NSMCE2: variants seen among roughly 807,000 people sequenced by gnomAD.
NSMCE2 encodes E3 SUMO-protein ligase NSE2.
In NSMCE2, 24 loss-of-function variants were observed where a neutral mutation model predicts 23.8. The ratio of observed to expected loss-of-function variants is 1.01; its 90% CI spans 0.73 to 1.42. The LOEUF (loss-of-function observed/expected upper bound fraction) is 1.42. NSMCE2 is among the 40% of genes most tolerant of loss of function. The pLI is 0.00. For synonymous variants in NSMCE2, 92 were observed against 94.1 expected (o/e 0.98, Z 0.13); for missense variants, 284 against 296.5 (o/e 0.96, Z 0.31).
intron 4 of NSMCE2, among the ~76,000 whole-genome samples, chr8:125,170,643 G>C (rs1822152304): frequency 1.3e-5 from 2 of 151,854 alleles, no homozygotes; most frequent in African/African-American, 4.8e-5. Flanking sequence ...CCTGACCTCA[G>C]GTGATCCACC....
intron 5 of NSMCE2, among the ~76,000 whole-genome samples, chr8:125,290,868 T>C (rs1416383256): frequency 6.6e-6 from 1 of 152,218 alleles, no homozygotes; most frequent in Non-Finnish European, 1.5e-5. Flanking sequence ...ATAAATTATT[T>C]ATAGATTTAT....
intron 5 of NSMCE2, among the ~76,000 whole-genome samples, chr8:125,210,695 TC>T (rs555692143): frequency 6.2e-4 from 94 of 152,104 alleles, no homozygotes; most frequent in Non-Finnish European, 1.1e-3. Flanking sequence ...AGCCATCTCT[TC>T]CCCAGGTTGA....
At chr8:125,275,834 G>T (rs1032387701) in intron 5 of NSMCE2, among the ~76,000 whole-genome samples, 2 of 152,074 alleles carry the variant, frequency 1.3e-5, no homozygotes, top group African/African-American at 4.8e-5. Flanking sequence ...GCTAGTAATT[G>T]TAAGAGCTGG....
chr8:125,144,264 A>C (rs1017216227), intron 3 of NSMCE2, among the ~76,000 whole-genome samples: 1 of 152,160 alleles, frequency 6.6e-6, no homozygotes, highest in Non-Finnish European at 1.5e-5. Flanking sequence ...GAAGGTCCCT[A>C]TTTAGAATAG....
At chr8:125,357,531 G>A (rs529653165) in intron 6 of NSMCE2, among the ~76,000 whole-genome samples, 181 bp from the exon 7 acceptor site, 1 of 152,320 alleles carries the variant, frequency 6.6e-6, no homozygotes, top group East Asian at 1.9e-4. Context: ...TAAAGTCATG[G>A]CCTACAGGCC....
intron 5 of NSMCE2, among the ~76,000 whole-genome samples, chr8:125,270,320 C>T (rs942073797): frequency 1.1e-4 from 16 of 152,124 alleles, no homozygotes; most frequent in African/African-American, 3.4e-4. Context: ...CAAAACTTAG[C>T]GGGGCATGGT....
chr8:125,213,819 G>C (rs891695938), intron 5 of NSMCE2, among the ~76,000 whole-genome samples: 1 of 151,140 alleles, frequency 6.6e-6, no homozygotes, highest in Non-Finnish European at 1.5e-5. Flanking sequence ...CTCACACAGT[G>C]TTGGGATTTG....
chr8:125,182,290 T>C, intron 5 of NSMCE2, 34 bp downstream of exon 5: 1 of 1,553,094 alleles, frequency 6.4e-7, no homozygotes, highest in Non-Finnish European at 8.8e-7. Context: ...GTTCGGCTTT[T>C]TGAAATTAGG....
At chr8:125,309,086 A>T (rs1828871922) in intron 5 of NSMCE2, among the ~76,000 whole-genome samples, 1 of 152,084 alleles carries the variant, frequency 6.6e-6, no homozygotes, top group African/African-American at 2.4e-5. Context: ...CTCTACTAAA[A>T]ATACAAAAAA....
chr8:125,220,457 T>C (rs1824798733), intron 5 of NSMCE2, among the ~76,000 whole-genome samples: 1 of 152,184 alleles, frequency 6.6e-6, no homozygotes, highest in South Asian at 2.1e-4. Context: ...AAAATGAGCC[T>C]AACCTAATTC....
chr8:125,213,780 A>T (rs1444314850), intron 5 of NSMCE2, among the ~76,000 whole-genome samples: 1 of 130,364 alleles, frequency 7.7e-6, no homozygotes, highest in African/African-American at 3.1e-5. Context: ...TCGCCAGGCT[A>T]CCCATTCTGA....
chr8:125,318,701 A>G (rs2131260254), intron 5 of NSMCE2, among the ~76,000 whole-genome samples: 1 of 152,350 alleles, frequency 6.6e-6, no homozygotes, highest in African/African-American at 2.4e-5. Flanking sequence ...TCTGTGAAAC[A>G]ACCACGGCAC....
chr8:125,124,286 C>T (rs1424980648), intron 3 of NSMCE2: 2 of 152,070 alleles, frequency 1.3e-5, no homozygotes, highest in African/African-American at 4.8e-5. Context: ...TATTCATAAA[C>T]ATTTTATTCT....
intron 5 of NSMCE2, among the ~76,000 whole-genome samples, chr8:125,309,245 T>C (rs1828882144): frequency 8.3e-6 from 1 of 120,954 alleles, no homozygotes. Context: ...CAAAACTCTG[T>C]CTCAAAAAAA....
At chr8:125,147,926 C>T (rs981648282) in intron 3 of NSMCE2, among the ~76,000 whole-genome samples, 1 of 152,200 alleles carries the variant, frequency 6.6e-6, no homozygotes, top group African/African-American at 2.4e-5. Context: ...CATGACCTGT[C>T]TTTAAGATGC....
intron 5 of NSMCE2, among the ~76,000 whole-genome samples, chr8:125,263,756 A>C (rs1826797228): frequency 6.7e-6 from 1 of 150,094 alleles, no homozygotes; most frequent in South Asian, 2.1e-4. Flanking sequence ...TCTCAAAAAA[A>C]AACAAAAAAA....
intron 5 of NSMCE2, among the ~76,000 whole-genome samples, chr8:125,193,323 A>G (rs973546626): frequency 5.3e-5 from 8 of 152,250 alleles, no homozygotes; most frequent in African/African-American, 1.9e-4. Flanking sequence ...CTTACAAAGA[A>G]TATAGTATAT....
intron 5 of NSMCE2, among the ~76,000 whole-genome samples, chr8:125,320,308 G>GGGAAGGAAGGAAGGAAGGAA (rs1829401154): frequency 8.8e-6 from 1 of 114,072 alleles, no homozygotes; most frequent in African/African-American, 3.2e-5. Context: ...AAGGAAGGAA[G>GGGAAGGAAGGAAGGAAGGAA]GGAAGGGAAG....
chr8:125,201,695 G>A (rs977087109), intron 5 of NSMCE2, among the ~76,000 whole-genome samples: 8 of 152,210 alleles, frequency 5.3e-5, no homozygotes, highest in African/African-American at 9.6e-5. Flanking sequence ...GAGCTCAGTC[G>A]TTGTGCTGAG....
Sources: allele counts gnomAD v4.1 joint callset (sites outside exome capture counted in the v4.1 genomes callset), GRCh38; gene constraint gnomAD v4.1.1; transcripts MANE v1.5; gene names NCBI Gene and HGNC (gene_info 2026-07-23, HGNC 2026-07-21).